Variants in SLCO1B1 observed in about 807,000 individuals in gnomAD.
SLCO1B1 encodes solute carrier organic anion transporter family member 1B1.
Under a neutral mutation model 70.1 loss-of-function variants are expected in SLCO1B1, and 81 were observed. That is an observed-to-expected ratio of 1.16 (90% CI 0.97 to 1.39). The LOEUF is 1.39. Among genes scored for constraint, SLCO1B1 ranks in the 40% most tolerant of loss-of-function variants. SLCO1B1 has a pLI of 0.00. For synonymous variants in SLCO1B1, 283 were observed against 271.5 expected (o/e 1.04, Z -0.42); for missense variants, 895 against 799.6 (o/e 1.12, Z -1.44).
chr12:21,238,502 A>G (rs1423849482), intron 14 of SLCO1B1, among the ~76,000 whole-genome samples: 1 of 151,572 alleles, frequency 6.6e-6, no homozygotes, highest in African/African-American at 2.4e-5. Flanking sequence ...ATGACTGGCA[A>G]TTTTTTTCAT....
In SLCO1B1 at chr12:21,150,197, C is replaced by T. The variant is rs34234515; in HGVS notation, c.84+8539C>T. Among the ~76,000 whole-genome samples, 19 of 152,214 alleles carry T rather than the reference C, an allele frequency of 1.2e-4. 1 individual carries two copies. Among genetic ancestry groups the T allele is most frequent in the African/African-American group, 3.6e-4 (15 of 41,558 alleles). ...TAAAGAAAGGCAGCAGCCCCAGTCA[C>T]GGGCTTATATATAAAATTCCCTCTA... is the stretch of plus-strand genomic sequence containing the variant. On this transcript the variant is annotated intron_variant, in intron 2 of 14. Coordinates refer to ENST00000256958, the MANE Select transcript of SLCO1B1 (RefSeq NM_006446.5).
chr12:21,230,879 T>G (rs1941528758), intron 14 of SLCO1B1, among the ~76,000 whole-genome samples: 1 of 152,108 alleles, frequency 6.6e-6, no homozygotes, highest in South Asian at 2.1e-4. Context: ...ATGTGCTGGT[T>G]TGTTACATAG....
intron 2 of SLCO1B1, among the ~76,000 whole-genome samples, chr12:21,142,542 C>G (rs1285276345): frequency 6.6e-6 from 1 of 151,806 alleles, no homozygotes; most frequent in African/African-American, 2.4e-5. Flanking sequence ...ATAAAGGCCA[C>G]CAAGATTGGA....
At chr12:21,185,255 C>T (rs1940950907) in intron 7 of SLCO1B1, among the ~76,000 whole-genome samples, 1 of 152,070 alleles carries the variant, frequency 6.6e-6, no homozygotes, top group East Asian at 1.9e-4. Context: ...TCTCAACCAA[C>T]TGGATCCAAA....
rs1228355616 is a variant in SLCO1B1 at position 21,137,896 on chromosome 12, G to A, written c.-61-3618G>A. ...GTGAGATGAACCCGGTACCTCAGTT[G>A]GAAATGCAGAAATCACCAGTCTTCT... On this transcript the variant is annotated intron_variant, in intron 1 of 14. Coordinates refer to ENST00000256958, the MANE Select transcript of SLCO1B1 (RefSeq NM_006446.5). 4.6e-5 allele frequency among the ~76,000 whole-genome samples: 7 copies of A among 152,294 alleles called. No homozygotes were observed. In the East Asian group the frequency reaches 5.8e-4, roughly 13 times the overall value.
intron 1 of SLCO1B1, among the ~76,000 whole-genome samples, chr12:21,136,935 C>A (rs529433408): frequency 1.3e-5 from 2 of 152,154 alleles, no homozygotes; most frequent in Non-Finnish European, 2.9e-5. Flanking sequence ...AGTTTTTCTG[C>A]TCTGTTTTTT....
intron 1 of SLCO1B1, among the ~76,000 whole-genome samples, chr12:21,137,931 A>T (rs889277930): frequency 6.6e-6 from 1 of 152,156 alleles, no homozygotes; most frequent in Non-Finnish European, 1.5e-5. Context: ...TGTGTTGCTC[A>T]TGCTGGGAGC....
In SLCO1B1 at chr12:21,202,682, G is replaced by C. The variant is rs150573622; in HGVS notation, c.1327G>C (p.Asp443His). 1.4e-5 allele frequency: 22 copies of C among 1,609,164 alleles called. No individual in the cohort carries two copies. The highest frequency in any genetic ancestry group is 8.4e-5 in the Admixed American group (5 of 59,818). The change falls in exon 10 of 15, where the codon GAT (aspartate) becomes CAT (histidine). Residue 443 changes from aspartate to histidine, a missense_variant. By Grantham distance (81) the Asp-to-His change is moderately conservative. Transcript: ENST00000256958. ...AGTTGCCGGACTAACCATGACCTAT[G>C]ATGGGTTTGTATATATCACTATATC... ...KSVAGLTMTY[D>H]GNNPVTSHRD...
intron 11 of SLCO1B1, among the ~76,000 whole-genome samples, chr12:21,214,320 C>A (rs1008450905): frequency 1.3e-5 from 2 of 150,998 alleles, no homozygotes; most frequent in Admixed American, 6.6e-5. Flanking sequence ...AATACCCTGC[C>A]GTGTGAGGTG....
intron 2 of SLCO1B1, among the ~76,000 whole-genome samples, chr12:21,142,117 T>G (rs1940318567): frequency 6.6e-6 from 1 of 151,248 alleles, no homozygotes; most frequent in African/African-American, 2.4e-5. Context: ...TGATAAGTAA[T>G]TTAGGCTCAT....
intron 2 of SLCO1B1, among the ~76,000 whole-genome samples, chr12:21,159,183 G>A (rs1034753164): frequency 6.6e-6 from 1 of 152,082 alleles, no homozygotes; most frequent in Non-Finnish European, 1.5e-5. Context: ...TTGAAGTTCT[G>A]TAGTCAAAGT....
At chr12:21,218,823 C>CA (rs1485478555) in intron 12 of SLCO1B1, among the ~76,000 whole-genome samples, 1 of 152,040 alleles carries the variant, frequency 6.6e-6, no homozygotes, top group Non-Finnish European at 1.5e-5. Flanking sequence ...TACAACTTGT[C>CA]AAAAATATTT....
At chr12:21,155,586 C>A (rs1278565706) in intron 2 of SLCO1B1, among the ~76,000 whole-genome samples, 1 of 152,042 alleles carries the variant, frequency 6.6e-6, no homozygotes, top group Non-Finnish European at 1.5e-5. Flanking sequence ...GTCACATTTA[C>A]TTAGTTATGA....
chr12:21,233,568 AAAC>A (rs1201375843), intron 14 of SLCO1B1, among the ~76,000 whole-genome samples: 1 of 124,564 alleles, frequency 8.0e-6, no homozygotes, highest in African/African-American at 3.2e-5. Flanking sequence ...AAAAACAAAC[AAAC>A]AAAAAAAAAA....
intron 11 of SLCO1B1, among the ~76,000 whole-genome samples, chr12:21,208,192 T>G (rs1941236646): frequency 6.6e-6 from 1 of 152,110 alleles, no homozygotes. Context: ...TTTGAGAACT[T>G]AGTCACAAAT....
intron 14 of SLCO1B1, among the ~76,000 whole-genome samples, chr12:21,230,693 C>G (rs898976676): frequency 6.6e-6 from 1 of 152,030 alleles, no homozygotes; most frequent in African/African-American, 2.4e-5. Flanking sequence ...ATGCTAGCCT[C>G]ACAGAATGAA....
chr12:21,201,635 CTCTA>C (rs1463096881), intron 9 of SLCO1B1, among the ~76,000 whole-genome samples: 2 of 152,104 alleles, frequency 1.3e-5, no homozygotes, highest in African/African-American at 4.8e-5. Flanking sequence ...AGGGTTAGAA[CTCTA>C]TCTGAGAGAG....
chr12:21,218,517 A>T (rs1591825339), intron 12 of SLCO1B1, among the ~76,000 whole-genome samples: 1 of 152,166 alleles, frequency 6.6e-6, no homozygotes, highest in African/African-American at 2.4e-5. Context: ...TGTAAATTGA[A>T]TTTACAGTTG....
intron 2 of SLCO1B1, among the ~76,000 whole-genome samples, chr12:21,158,581 C>A (rs1428578808): frequency 6.6e-6 from 1 of 151,978 alleles, no homozygotes. Context: ...TTAGTCCCAG[C>A]TACTCAGGAG....
Sources: allele counts gnomAD v4.1 joint callset (sites outside exome capture counted in the v4.1 genomes callset), GRCh38; gene constraint gnomAD v4.1.1; transcripts MANE v1.5; gene names NCBI Gene and HGNC (gene_info 2026-07-23, HGNC 2026-07-21).